The following TYW1 variants were observed in gnomAD, a reference collection of about 807,000 sequenced individuals.
The protein encoded by TYW1 is S-adenosyl-L-methionine-dependent tRNA 4-demethylwyosine synthase TYW1.
Under a neutral mutation model 96.2 loss-of-function variants are expected in TYW1, and 46 were observed. The observed-to-expected ratio is 0.48, with a 90% CI of 0.38 to 0.61. The LOEUF (loss-of-function observed/expected upper bound fraction) is 0.61. Ranked by LOEUF, TYW1 falls within the 20% of genes least tolerant of loss-of-function variation. TYW1 has a pLI of 0.00. For missense variants in TYW1, 684 were observed against 909.6 expected (o/e 0.75, Z 3.19); for synonymous variants, 274 against 323.0 (o/e 0.85, Z 1.63).
At chr7:67,110,337 G>T (rs971533301) in intron 12 of TYW1, among the ~76,000 whole-genome samples, 1 of 152,136 alleles carries the variant, frequency 6.6e-6, no homozygotes, top group Non-Finnish European at 1.5e-5. Flanking sequence ...TGTGCTTTTG[G>T]TTCTTACTGA....
At position 67,148,824 on chromosome 7, in the gene TYW1, G is replaced by C. The variant is rs186990804; in HGVS notation, c.1698+31206G>C. ...GAGGGGGCACTCCAAGAGCACCCAG[G>C]TGGTTTGAACTGACATTTTAAAAAA... On this transcript the variant is annotated intron_variant, in intron 13 of 15. Coordinates refer to ENST00000359626, the MANE Select transcript of TYW1 (RefSeq NM_018264.4). 2.3e-3 allele frequency among the ~76,000 whole-genome samples: 344 copies of C among 152,276 alleles called. 1 individual carries two copies. Among genetic ancestry groups the C allele is most frequent in the African/African-American group, 7.5e-3 (311 of 41,554 alleles).
chr7:67,217,757 G>A (rs1455551932), intron 15 of TYW1, among the ~76,000 whole-genome samples: 7 of 149,296 alleles, frequency 4.7e-5, no homozygotes, highest in Non-Finnish European at 7.4e-5. Flanking sequence ...ATGAATTTTA[G>A]GATAGATTTC....
At chr7:67,019,614 G>A (rs574647473) in intron 6 of TYW1, among the ~76,000 whole-genome samples, 1 of 152,372 alleles carries the variant, frequency 6.6e-6, no homozygotes, top group Admixed American at 6.5e-5. Context: ...GATTACAGGG[G>A]TGAGCCACTG....
chr7:67,213,100 T>C (rs1801092461), intron 15 of TYW1, among the ~76,000 whole-genome samples: 1 of 152,102 alleles, frequency 6.6e-6, no homozygotes. Flanking sequence ...CTCGAACTCC[T>C]GACCTCAGGT....
intron 14 of TYW1, among the ~76,000 whole-genome samples, chr7:67,189,957 C>T (rs1254484682): frequency 6.6e-6 from 1 of 151,104 alleles, no homozygotes; most frequent in Admixed American, 6.6e-5. Context: ...CATGTTACAA[C>T]CATCTGTCTT....
In TYW1 at chr7:67,117,615, C is replaced by A. The variant is rs1797634825; in HGVS notation, c.1695C>A (p.Val565=). Residue 565 remains valine (V), a synonymous_variant, in exon 13 of 16, where the codon GTC becomes GTA. Coordinates refer to ENST00000359626, the MANE Select transcript of TYW1 (RefSeq NM_018264.4). ...RFLDSLKALA[V]KQQRTVYRLT... ...TTGACAGTTTAAAAGCCTTGGCAGTCAAGGTAAGAATTATGACATCTTAAA... is the reference window on the plus strand; with the variant it reads ...TTGACAGTTTAAAAGCCTTGGCAGTAAAGGTAAGAATTATGACATCTTAAA... The A allele has an allele frequency of 1.9e-6, 3 of 1,609,870 alleles. No homozygotes were observed. The Admixed American group carries it at 5.1e-5, about 27-fold the overall frequency.
intron 4 of TYW1, among the ~76,000 whole-genome samples, chr7:67,011,300 A>G (rs2129240019): frequency 6.6e-6 from 1 of 152,234 alleles, no homozygotes; most frequent in East Asian, 1.9e-4. Flanking sequence ...GGCCTCCCAT[A>G]GTGCTGGGTT....
intron 8 of TYW1, among the ~76,000 whole-genome samples, chr7:67,053,384 T>C (rs1389516680): frequency 6.6e-6 from 1 of 150,420 alleles, no homozygotes; most frequent in Non-Finnish European, 1.5e-5. Flanking sequence ...TTGTTTCTTT[T>C]TTTTTTTTTT....
chr7:67,094,636 G>C (rs1314832027), intron 11 of TYW1, among the ~76,000 whole-genome samples: 2 of 140,982 alleles, frequency 1.4e-5, no homozygotes, highest in African/African-American at 2.7e-5. Flanking sequence ...GGGAGGAAGA[G>C]AGAGAGAGAA....
At chr7:67,162,111 A>G (rs1397142647) in intron 13 of TYW1, among the ~76,000 whole-genome samples, 2 of 152,208 alleles carry the variant, frequency 1.3e-5, no homozygotes, top group African/African-American at 2.4e-5. Context: ...TCTGGCTAAC[A>G]CGGTGAAACC....
chr7:66,997,963 G>A (rs1793246165), intron 1 of TYW1, 102 bp from the exon 2 acceptor site: 1 of 1,392,442 alleles, frequency 7.2e-7, no homozygotes, highest in Non-Finnish European at 9.6e-7. Flanking sequence ...TCTTAGCTGG[G>A]TTGTTGAATG....
At position 67,208,393 on chromosome 7, in the gene TYW1, T is replaced by TA. The variant is rs199757622; in HGVS notation, c.1977+13064dup. Among the ~76,000 whole-genome samples, 1,253 of 151,158 alleles carry TA rather than the reference T, an allele frequency of 8.3e-3. 9 individuals carry two copies. Among genetic ancestry groups the TA allele is most frequent in the African/African-American group, 0.029 (1,176 of 41,222 alleles). ...AATCCAAAATGTAAAGTGATTCTTT[T>TA]AAAAAAAACCCACAACCATCGGGCG... On this transcript the variant is annotated intron_variant, in intron 15 of 15. Transcript: ENST00000359626.
chr7:67,211,896 T>C (rs1296155641), intron 15 of TYW1, among the ~76,000 whole-genome samples: 1 of 152,254 alleles, frequency 6.6e-6, no homozygotes, highest in Non-Finnish European at 1.5e-5. Flanking sequence ...AGCGAGATTA[T>C]TTCATACATT....
Position 67,195,329 on chromosome 7 carries a change from C to T in TYW1, c.1969C>T (p.His657Tyr), listed in dbSNP as rs779360307. 2.1e-5 allele frequency: 34 copies of T among 1,613,384 alleles called. No individual in the cohort carries two copies. The highest frequency in any genetic ancestry group is 2.7e-5 in the Non-Finnish European group (32 of 1,179,772). Residue 657 changes from histidine (H) to tyrosine (Y), a missense_variant, in exon 15 of 16, where the codon CAC becomes TAC. His to Tyr is a moderately conservative substitution (Grantham distance 83, BLOSUM62 2). Coordinates refer to ENST00000359626, the MANE Select transcript of TYW1 (RefSeq NM_018264.4). Reference protein sequence around the residue: ...HEHSNCLLIAHRKFKIGGEWW... With the variant: ...HEHSNCLLIAYRKFKIGGEWW... ...ACACTCTAATTGCCTCCTGATAGCACACAGAAAGGTAAGAATAACTCAAAC... is the reference window on the plus strand; with the variant it reads ...ACACTCTAATTGCCTCCTGATAGCATACAGAAAGGTAAGAATAACTCAAAC...
intron 15 of TYW1, among the ~76,000 whole-genome samples, chr7:67,229,577 G>C (rs899139641): frequency 2.0e-5 from 3 of 151,780 alleles, no homozygotes; most frequent in African/African-American, 4.8e-5. Flanking sequence ...TTTTCTGTAA[G>C]TTTTAGATAA....
At chr7:67,086,161 T>C (rs1796543949) in intron 11 of TYW1, among the ~76,000 whole-genome samples, 2 of 151,688 alleles carry the variant, frequency 1.3e-5, no homozygotes, top group Non-Finnish European at 2.9e-5. Context: ...TGGCGGGAGG[T>C]GGGGTACAAG....
chr7:67,005,166 A>T (rs1413372657), intron 3 of TYW1, among the ~76,000 whole-genome samples: 1 of 152,168 alleles, frequency 6.6e-6, no homozygotes, highest in Admixed American at 6.5e-5. Flanking sequence ...TATGTAGCTG[A>T]CCTGCCCCTT....
intron 14 of TYW1, among the ~76,000 whole-genome samples, chr7:67,189,751 A>G (rs1800151439): frequency 6.6e-6 from 1 of 152,118 alleles, no homozygotes; most frequent in South Asian, 2.1e-4. Flanking sequence ...ATTTATTTAA[A>G]CAAAATCAAT....
At chr7:67,050,119 T>G (rs1428016831) in intron 8 of TYW1, 53 bp downstream of exon 8, 3 of 1,590,312 alleles carry the variant, frequency 1.9e-6, no homozygotes, top group South Asian at 2.2e-5. Context: ...GGCATTCTCA[T>G]TTGATACCTG....
Sources: allele counts gnomAD v4.1 joint callset (sites outside exome capture counted in the v4.1 genomes callset), GRCh38; gene constraint gnomAD v4.1.1; transcripts MANE v1.5; gene names NCBI Gene and HGNC (gene_info 2026-07-23, HGNC 2026-07-21).